The following SSUH2 variants were observed in gnomAD, a reference collection of about 807,000 sequenced individuals.
SSUH2 encodes the protein protein SSUH2 homolog.
A neutral mutation model predicts 55.3 loss-of-function variants in SSUH2; 47 were observed. The ratio of observed to expected loss-of-function variants is 0.85; its 90% CI spans 0.67 to 1.08. The LOEUF (loss-of-function observed/expected upper bound fraction) is 1.08, where lower values mean the gene tolerates loss of function less well. Ranked by LOEUF, SSUH2 falls within the 50% of genes least tolerant of loss-of-function variation. SSUH2 has a pLI of 0.00. For synonymous variants in SSUH2, 212 were observed against 191.5 expected (o/e 1.11, Z -0.89); for missense variants, 535 against 490.7 (o/e 1.09, Z -0.85).
intron 5 of SSUH2, among the ~76,000 whole-genome samples, chr3:8,670,207 A>G (rs1173049844): frequency 2.0e-5 from 3 of 152,122 alleles, no homozygotes; most frequent in Non-Finnish European, 4.4e-5. Context: ...GTATACTGGG[A>G]TATATGAGGA....
chr3:8,676,287 A>G (rs1329495439), intron 3 of SSUH2, among the ~76,000 whole-genome samples: 1 of 152,072 alleles, frequency 6.6e-6, no homozygotes, highest in African/African-American at 2.4e-5. Context: ...TATTAAGAAC[A>G]GTATCACAAG....
chr3:8,641,574 T>C (rs1277832720), intron 1 of SSUH2, among the ~76,000 whole-genome samples: 2 of 152,148 alleles, frequency 1.3e-5, no homozygotes, highest in East Asian at 3.9e-4. Flanking sequence ...GTAGATGCTG[T>C]ATCTTCCTAT....
intron 6 of SSUH2, among the ~76,000 whole-genome samples, chr3:8,662,976 A>G (rs1250824634): frequency 1.3e-5 from 2 of 152,212 alleles, no homozygotes; most frequent in Admixed American, 6.5e-5. Context: ...TATTCCTACT[A>G]TCGTGTAGAG....
chr3:8,650,752 G>A (rs1464742668), intron 7 of SSUH2, among the ~76,000 whole-genome samples: 1 of 152,174 alleles, frequency 6.6e-6, no homozygotes, highest in African/African-American at 2.4e-5. Context: ...CCCGTGGTTG[G>A]AAAACTGACC....
intron 4 of SSUH2, among the ~76,000 whole-genome samples, chr3:8,633,234 C>T (rs1699195189): frequency 6.6e-6 from 1 of 151,550 alleles, no homozygotes; most frequent in African/African-American, 2.4e-5. Flanking sequence ...ACCTCCGCCT[C>T]CCAGTTTCAA....
chr3:8,651,302 G>A (rs188452199), intron 7 of SSUH2, among the ~76,000 whole-genome samples: 124 of 152,306 alleles, frequency 8.1e-4, no homozygotes, highest in African/African-American at 2.2e-3. Flanking sequence ...CTCAGCAAGC[G>A]GGGAGGCAAG....
chr3:8,657,564 G>A (rs1486454126), intron 7 of SSUH2, among the ~76,000 whole-genome samples: 1 of 152,190 alleles, frequency 6.6e-6, no homozygotes, highest in Non-Finnish European at 1.5e-5. Flanking sequence ...TGGGAAGGGG[G>A]AGATCAGGAA....
chr3:8,649,413 T>C (rs1483207902), upstream of SSUH2, among the ~76,000 whole-genome samples: 4 of 152,078 alleles, frequency 2.6e-5, no homozygotes, highest in Admixed American at 6.5e-5. Flanking sequence ...TGCCCGTCCA[T>C]CCGTGCTCAC....
chr3:8,639,252 G>A (rs534950505), intron 1 of SSUH2, among the ~76,000 whole-genome samples: 34 of 152,288 alleles, frequency 2.2e-4, no homozygotes, highest in Non-Finnish European at 4.7e-4. Context: ...TCAGGCAGTC[G>A]TCCAGCTGGA....
At chr3:8,662,785 G>A (rs566294882) in intron 6 of SSUH2, among the ~76,000 whole-genome samples, 4 of 152,250 alleles carry the variant, frequency 2.6e-5, no homozygotes, top group African/African-American at 4.8e-5. Flanking sequence ...TATTGACTCT[G>A]GTCTTCATCC....
chr3:8,672,904 A>AC lies in SSUH2; in HGVS notation c.-752-870dup, dbSNP rs1369500114. On this transcript the variant is annotated intron_variant, in intron 3 of 18. Coordinates refer to the SSUH2 transcript ENST00000317371. ...CGGATCAATATCACTGGGTGGGTGT[A>AC]CACCTGCTGCGATATTGAACGTAAT... Among the ~76,000 whole-genome samples the AC allele has an allele frequency of 6.6e-5, 10 of 152,204 alleles. No homozygotes were observed. In the East Asian group the frequency reaches 1.7e-3, roughly 26 times the overall value.
chr3:8,676,376 G>C (rs770757851), intron 3 of SSUH2, among the ~76,000 whole-genome samples: 1 of 151,482 alleles, frequency 6.6e-6, no homozygotes, highest in Non-Finnish European at 1.5e-5. Context: ...CAGTGGGGGC[G>C]AGTCCACCTT....
At chr3:8,669,623 T>C (rs540162985) in intron 5 of SSUH2, among the ~76,000 whole-genome samples, 1 of 152,282 alleles carries the variant, frequency 6.6e-6, no homozygotes, top group Non-Finnish European at 1.5e-5. Context: ...AATCACATGA[T>C]CAAGGCTAAC....
At chr3:8,641,706 C>A (rs934848060) in intron 1 of SSUH2, among the ~76,000 whole-genome samples, 38 of 152,250 alleles carry the variant, frequency 2.5e-4, no homozygotes, top group Non-Finnish European at 4.6e-4. Flanking sequence ...GCTGTGCCTC[C>A]ATCCACGGGA....
At chr3:8,640,182 A>T (rs1700600395) in intron 1 of SSUH2, 1 of 175,286 alleles carries the variant, frequency 5.7e-6, no homozygotes, top group Non-Finnish European at 1.1e-5. Context: ...GTGAATGAAC[A>T]ATACTACTGA....
At chr3:8,645,138 C>T (rs1174152060), upstream of SSUH2, among the ~76,000 whole-genome samples, 2 of 152,242 alleles carry the variant, frequency 1.3e-5, no homozygotes, top group African/African-American at 4.8e-5. Flanking sequence ...CATCGCCCAG[C>T]TGTAGGAGGC....
At chr3:8,668,601 T>G (rs1575362465) in intron 5 of SSUH2, among the ~76,000 whole-genome samples, 1 of 152,238 alleles carries the variant, frequency 6.6e-6, no homozygotes. Context: ...TCTTTTTCAC[T>G]GCAGCATGCA....
chr3:8,668,949 G>C (rs1162533163), intron 5 of SSUH2, among the ~76,000 whole-genome samples: 1 of 151,830 alleles, frequency 6.6e-6, no homozygotes, highest in Admixed American at 6.6e-5. Flanking sequence ...AAAGAGAGTG[G>C]GAGGGAGGGA....
chr3:8,655,732 C>T (rs1702871148), intron 7 of SSUH2, among the ~76,000 whole-genome samples: 1 of 152,216 alleles, frequency 6.6e-6, no homozygotes, highest in Non-Finnish European at 1.5e-5. Context: ...AGAGAAAGCA[C>T]CATTCCTTTG....
Sources: gnomAD v4.1 joint callset for allele counts (sites outside exome capture counted in the v4.1 genomes callset) on GRCh38, gnomAD v4.1.1 for gene constraint, MANE v1.5 for transcripts, NCBI Gene and HGNC (gene_info 2026-07-23, HGNC 2026-07-21) for gene names.